RAB3IP: variants seen among roughly 807,000 people sequenced by gnomAD.
The protein encoded by RAB3IP is rab-3A-interacting protein.
RAB3IP carries 36 observed loss-of-function variants against 59.1 expected under a neutral mutation model. The ratio of observed to expected loss-of-function variants is 0.61; its 90% CI spans 0.47 to 0.80. The LOEUF (loss-of-function observed/expected upper bound fraction) is 0.80. RAB3IP is among the 30% of genes least tolerant of loss of function. The probability of loss-of-function intolerance (pLI) is 0.00; values close to 1 mark genes in which losing one functional copy is unlikely to be tolerated. For missense variants in RAB3IP, 511 were observed against 536.0 expected, an observed-to-expected ratio of 0.95 and a Z score of 0.46; for synonymous variants, 207 against 191.2, an observed-to-expected ratio of 1.08 and a Z score of -0.68.
At chr12:69,797,901 AT>A (rs1877760158) in intron 6 of RAB3IP, among the ~76,000 whole-genome samples, 1 of 151,944 alleles carries the variant, frequency 6.6e-6, no homozygotes, top group East Asian at 1.9e-4. Flanking sequence ...TATGTGCCAC[AT>A]TTTCTTAATC....
intron 1 of RAB3IP, among the ~76,000 whole-genome samples, chr12:69,752,471 A>G (rs1869490898): frequency 2.0e-5 from 3 of 152,076 alleles, no homozygotes. Context: ...GCAGTGCTTC[A>G]TTATGAGGAT....
At chr12:69,764,576 A>G (rs1160597293) in intron 3 of RAB3IP, among the ~76,000 whole-genome samples, 1 of 151,866 alleles carries the variant, frequency 6.6e-6, no homozygotes, top group African/African-American at 2.4e-5. Context: ...GTCAAGTAAT[A>G]TGGTACCTCT....
chr12:69,810,792 A>T (rs1241886744), intron 8 of RAB3IP, among the ~76,000 whole-genome samples: 1 of 152,208 alleles, frequency 6.6e-6, no homozygotes, highest in Non-Finnish European at 1.5e-5. Context: ...TTTGTGGAAG[A>T]GGATTACGGT....
intron 1 of RAB3IP, among the ~76,000 whole-genome samples, chr12:69,754,034 A>G (rs1255552082): frequency 2.6e-5 from 4 of 152,188 alleles, no homozygotes; most frequent in Non-Finnish European, 5.9e-5. Context: ...ATAGTACTCT[A>G]CAAAATACTT....
At chr12:69,792,478 A>G (rs919528873) in intron 4 of RAB3IP, among the ~76,000 whole-genome samples, 2 of 152,202 alleles carry the variant, frequency 1.3e-5, no homozygotes, top group African/African-American at 4.8e-5. Flanking sequence ...CTGTATATGT[A>G]TACATAGTGT....
chr12:69,801,184 C>T (rs1206097558), intron 7 of RAB3IP, among the ~76,000 whole-genome samples: 1 of 152,144 alleles, frequency 6.6e-6, no homozygotes, highest in African/African-American at 2.4e-5. Flanking sequence ...CACTCTTGTG[C>T]ACATAAATAC....
Position 69,756,501 on chromosome 12 carries a change from A to T in RAB3IP, c.348A>T (p.Arg116Ser). The T allele has an allele frequency of 6.2e-7, 1 of 1,614,152 alleles. No homozygotes were observed. Among genetic ancestry groups the T allele is most frequent in the Non-Finnish European group, 8.5e-7 (1 of 1,179,996 alleles). ...TTRKDNYNAE[R>S]EFLQGATITE... ...GAAAGGACAACTATAATGCAGAGAG[A>T]GAGTTTTTACAGGGTGCTACTATAA... Residue 116 changes from arginine (R) to serine (S), a missense_variant, in exon 3 of 11, where the codon AGA becomes AGT. Coordinates refer to ENST00000247833, the MANE Select transcript of RAB3IP (RefSeq NM_022456.5).
intron 3 of RAB3IP, among the ~76,000 whole-genome samples, chr12:69,769,293 T>C (rs1488296499): frequency 6.6e-6 from 1 of 152,166 alleles, no homozygotes; most frequent in Non-Finnish European, 1.5e-5. Context: ...TTTGGGAACA[T>C]GTCTGCAGCT....
chr12:69,740,335 CTTTT>C lies in RAB3IP; in HGVS notation c.-26+1305_-26+1308del, dbSNP rs1887194703. Among the ~76,000 whole-genome samples the C allele has an allele frequency of 3.9e-5, 6 of 152,184 alleles. No individual in the cohort carries two copies. In the South Asian group the frequency reaches 1.2e-3, roughly 31 times the overall value. ...ACTAGTACTGTGCATTTTGATAGGA[CTTTT>C]CATGTTTGGACAGACAGTGTATTCC... On this transcript the variant is annotated intron_variant, in intron 1 of 10. Transcript: ENST00000247833.
rs1870218468 is a variant in RAB3IP, at chr12:69,756,389, T to A, written c.252-16T>A. 1 of 1,610,606 alleles carries A rather than the reference T, an allele frequency of 6.2e-7. No homozygotes were observed. The highest frequency in any genetic ancestry group is 1.1e-5 in the South Asian group (1 of 90,534). ...ATATGCTGATATTTTCTGAAAAATG[T>A]CTCTCTCCTTTACAGCTTTCATGTT... On this transcript the variant is annotated splice_polypyrimidine_tract_variant and intron_variant, in intron 2 of 10. Transcript: ENST00000247833.
intron 8 of RAB3IP, among the ~76,000 whole-genome samples, chr12:69,806,471 G>A (rs1215780958): frequency 1.3e-5 from 2 of 150,858 alleles, no homozygotes; most frequent in African/African-American, 4.9e-5. Flanking sequence ...TGATTTTTTT[G>A]AAGGGTTTTT....
chr12:69,814,421 T>C (rs1288503698), intron 10 of RAB3IP, among the ~76,000 whole-genome samples: 1 of 152,130 alleles, frequency 6.6e-6, no homozygotes, highest in Non-Finnish European at 1.5e-5. Flanking sequence ...CTGTTTATTA[T>C]ATGTGCCTTG....
At chr12:69,781,590 C>T (rs1339515351) in intron 3 of RAB3IP, among the ~76,000 whole-genome samples, 1 of 152,188 alleles carries the variant, frequency 6.6e-6, no homozygotes, top group Admixed American at 6.5e-5. Flanking sequence ...TGTAGTCTTA[C>T]CTTTTCCAGA....
rs183376595 is a variant in RAB3IP, at chr12:69,779,858, C to G, written c.511-4862C>G. 6.6e-4 allele frequency among the ~76,000 whole-genome samples: 100 copies of G among 152,174 alleles called. 1 individual carries two copies. Among genetic ancestry groups the G allele is most frequent in the African/African-American group, 2.0e-3 (85 of 41,502 alleles). On this transcript the variant is annotated intron_variant, in intron 3 of 10. Coordinates refer to ENST00000247833, the MANE Select transcript of RAB3IP (RefSeq NM_022456.5). ...GTCTGTTATTGGTACCTTATTTTGT[C>G]TCTTTGGTGAGGTCATAGTTCCCTG...
At chr12:69,739,901 A>T in intron 1 of RAB3IP, 1 of 1,607,130 alleles carries the variant, frequency 6.2e-7, no homozygotes, top group Non-Finnish European at 8.5e-7. Flanking sequence ...GCGCTGAGTT[A>T]GTTAGTACTG....
chr12:69,768,892 C>T (rs1011649711), intron 3 of RAB3IP, among the ~76,000 whole-genome samples: 3 of 152,090 alleles, frequency 2.0e-5, no homozygotes, highest in South Asian at 2.1e-4. Context: ...TGGCTGACTT[C>T]GTATGTACCC....
intron 1 of RAB3IP, among the ~76,000 whole-genome samples, chr12:69,751,198 C>T (rs1869222840): frequency 6.6e-6 from 1 of 152,074 alleles, no homozygotes; most frequent in African/African-American, 2.4e-5. Flanking sequence ...ATTTGCCTTT[C>T]AGTTCTTTGC....
intron 1 of RAB3IP, among the ~76,000 whole-genome samples, chr12:69,752,441 G>T (rs1352263681): frequency 4.0e-5 from 6 of 151,744 alleles, no homozygotes; most frequent in Admixed American, 1.3e-4. Flanking sequence ...GCGATACATG[G>T]ATATGTATTT....
intron 1 of RAB3IP, chr12:69,739,350 C>T (rs1887029547): frequency 6.5e-6 from 1 of 153,502 alleles, no homozygotes; most frequent in Non-Finnish European, 1.4e-5. Flanking sequence ...GCGCGTTACA[C>T]ATTAACTGCG....
Sources: allele counts gnomAD v4.1 joint callset (sites outside exome capture counted in the v4.1 genomes callset), GRCh38; gene constraint gnomAD v4.1.1; transcripts MANE v1.5; gene names NCBI Gene and HGNC (gene_info 2026-07-23, HGNC 2026-07-21).